Variants in CDYL observed in about 807,000 individuals in gnomAD.
CDYL encodes the protein chromodomain Y like, also known as chromodomain Y-like protein.
Under a neutral mutation model 47.3 loss-of-function variants are expected in CDYL, and 8 were observed. That is an observed-to-expected ratio of 0.17 (90% CI 0.10 to 0.31). The LOEUF (loss-of-function observed/expected upper bound fraction) is 0.31, where lower values mean the gene tolerates loss of function less well. Ranked by LOEUF, CDYL falls within the 10% of genes least tolerant of loss-of-function variation. CDYL has a pLI of 1.00. For missense variants in CDYL, 471 were observed against 701.4 expected (o/e 0.67, Z 3.71); for synonymous variants, 266 against 265.0 (o/e 1.00, Z -0.04).
intron 1 of CDYL, among the ~76,000 whole-genome samples, chr6:4,853,279 A>C (rs1760905736): frequency 6.6e-6 from 1 of 152,218 alleles, no homozygotes. Context: ...TTCAGTTCTC[A>C]TAACAACCGC....
chr6:4,833,538 A>G (rs1360743576), intron 1 of CDYL, among the ~76,000 whole-genome samples: 31 of 148,666 alleles, frequency 2.1e-4, no homozygotes, highest in Non-Finnish European at 4.5e-5. Flanking sequence ...GCTGAAAAAA[A>G]TGTATATTCT....
intron 3 of CDYL, among the ~76,000 whole-genome samples, chr6:4,735,713 C>T (rs1400308700): frequency 6.6e-6 from 1 of 152,114 alleles, no homozygotes; most frequent in East Asian, 1.9e-4. Flanking sequence ...TTGCGGCGAG[C>T]TGAGATCGCT....
chr6:4,728,541 T>C (rs1298909408), intron 2 of CDYL, among the ~76,000 whole-genome samples: 1 of 152,176 alleles, frequency 6.6e-6, no homozygotes, highest in Non-Finnish European at 1.5e-5. Context: ...AGCCAGGCAC[T>C]GAGAAATCAG....
chr6:4,786,803 C>T lies in CDYL; in HGVS notation c.24+9996C>T, dbSNP rs139959398. Among the ~76,000 whole-genome samples, 932 of 152,312 alleles carry T rather than the reference C, an allele frequency of 6.1e-3. 5 individuals carry two copies. Among genetic ancestry groups the T allele is most frequent in the Middle Eastern group, 0.014 (4 of 294 alleles). Reference sequence around the variant, plus strand: ...AAAGTACCCTTGGAGAACTCCATGTCTTCCAGGAAGTTTCCACCCTTTTTC... The same window carrying T: ...AAAGTACCCTTGGAGAACTCCATGTTTTCCAGGAAGTTTCCACCCTTTTTC... On this transcript the variant is annotated intron_variant, in intron 1 of 6. Transcript: ENST00000397588.
chr6:4,711,280 G>A (rs757829514), intron 1 of CDYL, among the ~76,000 whole-genome samples: 1 of 152,140 alleles, frequency 6.6e-6, no homozygotes, highest in African/African-American at 2.4e-5. Context: ...TCCTGCCACA[G>A]AGTAAAGGAA....
At chr6:4,871,843 C>CTA (rs1003208927) in intron 1 of CDYL, among the ~76,000 whole-genome samples, 4 of 152,192 alleles carry the variant, frequency 2.6e-5, no homozygotes, top group Non-Finnish European at 5.9e-5. Context: ...CTCTAGGAAC[C>CTA]TAAGTTCCCA....
chr6:4,890,431 G>A (rs17355232), intron 1 of CDYL, among the ~76,000 whole-genome samples: 2,968 of 151,878 alleles, frequency 0.02, 38 homozygotes, highest in Non-Finnish European at 0.032. Context: ...ACGTGAAATC[G>A]GCCCTGTGAT....
intron 1 of CDYL, among the ~76,000 whole-genome samples, chr6:4,865,403 A>ATT (rs1288720025): frequency 1.3e-5 from 2 of 152,240 alleles, no homozygotes; most frequent in Non-Finnish European, 2.9e-5. Flanking sequence ...TGCATCAGGC[A>ATT]TAAGAACCCC....
intron 5 of CDYL, among the ~76,000 whole-genome samples, chr6:4,945,442 C>A (rs895319408): frequency 6.6e-6 from 1 of 152,152 alleles, no homozygotes; most frequent in Non-Finnish European, 1.5e-5. Context: ...CTTCTCACAC[C>A]CCAGGGTAGT....
intron 2 of CDYL, among the ~76,000 whole-genome samples, chr6:4,922,869 C>G (rs1757757835): frequency 6.6e-6 from 1 of 152,228 alleles, no homozygotes; most frequent in Non-Finnish European, 1.5e-5. Flanking sequence ...TGCGTCTGAT[C>G]ACACACCACG....
chr6:4,729,152 G>A (rs1285374272), intron 2 of CDYL, among the ~76,000 whole-genome samples: 2 of 152,108 alleles, frequency 1.3e-5, no homozygotes, highest in Non-Finnish European at 2.9e-5. Flanking sequence ...CAACAACAGA[G>A]TGGGATAAAA....
intron 1 of CDYL, among the ~76,000 whole-genome samples, chr6:4,865,832 C>G (rs532122725): frequency 6.6e-6 from 1 of 152,290 alleles, no homozygotes; most frequent in South Asian, 2.1e-4. Context: ...TTTTAGATCT[C>G]TAGTCAGTGT....
intron 1 of CDYL, among the ~76,000 whole-genome samples, chr6:4,824,505 T>C (rs1561655436): frequency 6.6e-6 from 1 of 152,252 alleles, no homozygotes; most frequent in Non-Finnish European, 1.5e-5. Context: ...ATATGCTTAT[T>C]AGCTATTTGT....
chr6:4,907,737 A>G (rs1757283610), intron 2 of CDYL, among the ~76,000 whole-genome samples: 1 of 152,196 alleles, frequency 6.6e-6, no homozygotes, highest in Non-Finnish European at 1.5e-5. Context: ...TTTCAAAATT[A>G]CTATATAGTT....
At position 4,935,605 on chromosome 6, in the gene CDYL, T is replaced by A. The variant is rs756836897; in HGVS notation, c.782T>A (p.Phe261Tyr). The A allele has an allele frequency of 6.2e-7, 1 of 1,614,112 alleles. No individual in the cohort carries two copies. The highest frequency in any genetic ancestry group is 1.1e-5 in the South Asian group (1 of 91,080). ...VTGVTASKRK[F>Y]IDDRRDQPFD... ...GGAGTGACTGCCAGCAAAAGGAAAT[T>A]TATTGACGACAGAAGAGACCAGCCT... Residue 261 changes from phenylalanine to tyrosine, a missense_variant, in exon 3 of 7, where the codon TTT becomes TAT. By Grantham distance (22) the Phe-to-Tyr change is conservative. Coordinates refer to ENST00000397588, the MANE Select transcript of CDYL (RefSeq NM_004824.4).
chr6:4,861,348 C>A (rs1761163552), intron 1 of CDYL, among the ~76,000 whole-genome samples: 1 of 152,194 alleles, frequency 6.6e-6, no homozygotes, highest in Non-Finnish European at 1.5e-5. Flanking sequence ...GAGGTGGCCC[C>A]AGGACTTCTT....
In CDYL at chr6:4,804,484, C is replaced by T. The variant is rs573129618; in HGVS notation, c.24+27677C>T. 5.9e-5 allele frequency among the ~76,000 whole-genome samples: 9 copies of T among 152,324 alleles called. No individual in the cohort carries two copies. In the South Asian group the frequency reaches 1.7e-3, roughly 28 times the overall value. On this transcript the variant is annotated intron_variant, in intron 1 of 6. Coordinates refer to ENST00000397588, the MANE Select transcript of CDYL (RefSeq NM_004824.4). ...GACCTTTGTCTTACGACCGCATCTCCAGGCCAGTGGCCTGGGAGCCAGAGA... is the reference window on the plus strand; with the variant it reads ...GACCTTTGTCTTACGACCGCATCTCTAGGCCAGTGGCCTGGGAGCCAGAGA...
intron 1 of CDYL, among the ~76,000 whole-genome samples, chr6:4,860,201 A>G (rs1354638805): frequency 2.0e-5 from 3 of 152,114 alleles, no homozygotes; most frequent in Admixed American, 2.0e-4. Context: ...ACGCCCAGCC[A>G]GTTCATAAGG....
At chr6:4,864,465 G>A (rs1761263659) in intron 1 of CDYL, among the ~76,000 whole-genome samples, 1 of 152,136 alleles carries the variant, frequency 6.6e-6, no homozygotes, top group African/African-American at 2.4e-5. Context: ...TTATTATTTG[G>A]GAGGGAAGGA....
Sources: gnomAD v4.1 joint callset for allele counts (sites outside exome capture counted in the v4.1 genomes callset) on GRCh38, gnomAD v4.1.1 for gene constraint, MANE v1.5 for transcripts, NCBI Gene and HGNC (gene_info 2026-07-23, HGNC 2026-07-21) for gene names.